The following SVIL variants were observed in gnomAD, a reference collection of about 807,000 sequenced individuals.
SVIL encodes supervillin, also known as archvillin.
SVIL carries 101 observed loss-of-function variants against 240.4 expected under a neutral mutation model. That is an observed-to-expected ratio of 0.42 (90% confidence interval 0.36 to 0.50). SVIL has a LOEUF of 0.50. Among genes scored for constraint, SVIL ranks in the 20% least tolerant of loss-of-function variants. The pLI is 0.01. For missense variants in SVIL, 2,512 were observed against 2,818.7 expected (o/e 0.89, Z 2.46); for synonymous variants, 999 against 1,100.0 (o/e 0.91, Z 1.82).
In SVIL at chr10:29,524,662, C is replaced by A. The variant is rs1950777824; in HGVS notation, c.2396G>T (p.Gly799Val). The change falls in exon 14 of 38, where the codon GGC becomes GTC. Residue 799 changes from glycine to valine, a missense_variant. This residue lies in a region of SVIL where 1,443 missense variants were observed against 1,486.6 expected (regional missense o/e 0.97). Coordinates refer to ENST00000355867, the MANE Select transcript of SVIL (RefSeq NM_021738.3). ...TTCTCCTTGCTCAGCAAGCTCTTTGCCCTCATTTGTCTGGTCCTTGGCTAA... is the reference window on the plus strand; with the variant it reads ...TTCTCCTTGCTCAGCAAGCTCTTTGACCTCATTTGTCTGGTCCTTGGCTAA... ...KALAKDQTNEGKELAEQGEPD... is the reference protein window; with the variant it reads ...KALAKDQTNEVKELAEQGEPD... 1.2e-6 allele frequency: 2 copies of A among 1,614,024 alleles called. No homozygotes were observed. The highest frequency in any genetic ancestry group is 1.7e-6 in the Non-Finnish European group (2 of 1,180,026).
At chr10:29,559,863 A>C (rs1954292719) in intron 3 of SVIL, among the ~76,000 whole-genome samples, 1 of 152,254 alleles carries the variant, frequency 6.6e-6, no homozygotes, top group South Asian at 2.1e-4. Context: ...GTTATTTACA[A>C]CCACCTAATA....
chr10:29,517,693 G>T (rs773721286), intron 16 of SVIL, among the ~76,000 whole-genome samples: 1 of 152,188 alleles, frequency 6.6e-6, no homozygotes, highest in Non-Finnish European at 1.5e-5. Flanking sequence ...CCATAGAGGC[G>T]TGAGGTGGAT....
chr10:29,520,877 A>T (rs1412569005), intron 16 of SVIL, among the ~76,000 whole-genome samples: 1 of 149,850 alleles, frequency 6.7e-6, no homozygotes, highest in Non-Finnish European at 1.5e-5. Context: ...TGACAGCACC[A>T]TTGCACTCTA....
chr10:29,485,666 T>C (rs1038246425), intron 26 of SVIL, among the ~76,000 whole-genome samples: 7 of 152,248 alleles, frequency 4.6e-5, no homozygotes, highest in African/African-American at 1.7e-4. Context: ...GAAATGTATG[T>C]AATTAATAAA....
At chr10:29,509,191 T>C (rs1949597389) in intron 17 of SVIL, among the ~76,000 whole-genome samples, 2 of 152,022 alleles carry the variant, frequency 1.3e-5, no homozygotes, top group Admixed American at 6.6e-5. Context: ...ACCAAGTATA[T>C]ATGCTACGAG....
At chr10:29,623,725 G>A (rs940223589) in intron 1 of SVIL, among the ~76,000 whole-genome samples, 20 of 152,094 alleles carry the variant, frequency 1.3e-4, no homozygotes, top group African/African-American at 4.3e-4. Flanking sequence ...GGTGGCACGC[G>A]CCTGTAGTCC....
chr10:29,529,121 A>G (rs1951151575), intron 12 of SVIL, among the ~76,000 whole-genome samples: 1 of 138,278 alleles, frequency 7.2e-6, no homozygotes, highest in South Asian at 2.5e-4. Flanking sequence ...GGTTGCAGTG[A>G]GCCGAGATCA....
intron 1 of SVIL, among the ~76,000 whole-genome samples, chr10:29,719,414 C>T (rs565357284): frequency 6.6e-6 from 1 of 152,056 alleles, no homozygotes; most frequent in Non-Finnish European, 1.5e-5. Flanking sequence ...ATCTACATCC[C>T]AAAACAAAGC....
chr10:29,605,452 C>G (rs1339523385), intron 1 of SVIL, among the ~76,000 whole-genome samples: 1 of 152,148 alleles, frequency 6.6e-6, no homozygotes, highest in Non-Finnish European at 1.5e-5. Flanking sequence ...ACATTTCTTT[C>G]CTCTTACTAA....
At chr10:29,728,781 G>T (rs575385844) in intron 1 of SVIL, among the ~76,000 whole-genome samples, 1 of 152,290 alleles carries the variant, frequency 6.6e-6, no homozygotes, top group Admixed American at 6.5e-5. Context: ...TAATCAGAAA[G>T]GATCGCAAGG....
chr10:29,536,819 G>C (rs898074770), intron 6 of SVIL, among the ~76,000 whole-genome samples: 4 of 150,040 alleles, frequency 2.7e-5, no homozygotes, highest in African/African-American at 9.9e-5. Context: ...GCTGAGGCAG[G>C]AGAGTTGCTG....
chr10:29,700,244 C>T (rs1962404374), intron 1 of SVIL, among the ~76,000 whole-genome samples: 1 of 152,122 alleles, frequency 6.6e-6, no homozygotes, highest in Non-Finnish European at 1.5e-5. Flanking sequence ...AAAGATCATC[C>T]TAAGTCACAT....
chr10:29,632,444 T>C (rs1958134568), intron 1 of SVIL, among the ~76,000 whole-genome samples: 1 of 151,410 alleles, frequency 6.6e-6, no homozygotes, highest in African/African-American at 2.4e-5. Flanking sequence ...TGAGCTGAGA[T>C]TGTGTCATTG....
chr10:29,676,674 C>G (rs1233700237), intron 2 of SVIL, among the ~76,000 whole-genome samples: 1 of 152,200 alleles, frequency 6.6e-6, no homozygotes, highest in Non-Finnish European at 1.5e-5. Flanking sequence ...GGGGCCGGAG[C>G]AGCTGGCAGT....
At chr10:29,638,292 T>A (rs1958375470), upstream of SVIL, among the ~76,000 whole-genome samples, 1 of 151,982 alleles carries the variant, frequency 6.6e-6, no homozygotes, top group South Asian at 2.1e-4. Context: ...TGAAACCCTG[T>A]CTCTACTAAA....
At chr10:29,460,567 T>G (rs1211421696) in intron 36 of SVIL, among the ~76,000 whole-genome samples, 1 of 152,166 alleles carries the variant, frequency 6.6e-6, no homozygotes, top group Non-Finnish European at 1.5e-5. Context: ...GAAAGTTATA[T>G]TTGTCTTATC....
chr10:29,478,511 A>C (rs1206975852), intron 29 of SVIL, among the ~76,000 whole-genome samples: 1 of 152,170 alleles, frequency 6.6e-6, no homozygotes, highest in East Asian at 1.9e-4. Context: ...AACTTTACCC[A>C]GCCCACACAG....
chr10:29,713,051 C>A (rs1963396718), intron 1 of SVIL, among the ~76,000 whole-genome samples: 1 of 151,956 alleles, frequency 6.6e-6, no homozygotes, highest in African/African-American at 2.4e-5. Flanking sequence ...TGGTGGCGGG[C>A]ACCTATAATC....
intron 12 of SVIL, among the ~76,000 whole-genome samples, 196 bp from the exon 13 acceptor site, chr10:29,527,252 C>T (rs1950987714): frequency 6.6e-6 from 1 of 152,014 alleles, no homozygotes; most frequent in Non-Finnish European, 1.5e-5. Context: ...GAGATAGTGG[C>T]TACCCAAAGC....
Sources: allele counts gnomAD v4.1 joint callset (sites outside exome capture counted in the v4.1 genomes callset), GRCh38; gene constraint gnomAD v4.1.1; regional missense constraint gnomAD v4.1.1; transcripts MANE v1.5; gene names NCBI Gene and HGNC (gene_info 2026-07-23, HGNC 2026-07-21).